Variants in MPP7 observed in about 807,000 individuals in gnomAD.
The protein encoded by MPP7 is MAGUK p55 scaffold protein 7.
In MPP7, 60 loss-of-function variants were observed where a neutral mutation model predicts 76.5. That is an observed-to-expected ratio of 0.78 (90% CI 0.64 to 0.97). MPP7 has a LOEUF of 0.97. Ranked by LOEUF, MPP7 falls within the 50% of genes least tolerant of loss-of-function variation. MPP7 has a pLI of 0.00. For synonymous variants in MPP7, 237 were observed against 244.5 expected (o/e 0.97, Z 0.29); for missense variants, 641 against 694.0 (o/e 0.92, Z 0.86).
intron 2 of MPP7, among the ~76,000 whole-genome samples, chr10:28,214,115 A>G (rs1050467759): frequency 2.0e-5 from 3 of 152,162 alleles, no homozygotes; most frequent in Non-Finnish European, 2.9e-5. Context: ...TTGAGCTTTT[A>G]CAAGATAAAC....
intron 11 of MPP7, among the ~76,000 whole-genome samples, chr10:28,093,863 T>C (rs1853437459): frequency 6.6e-6 from 1 of 152,198 alleles, no homozygotes; most frequent in African/African-American, 2.4e-5. Context: ...GCATAGATAG[T>C]TGGGTGATGT....
chr10:28,225,779 A>G (rs778348049), intron 2 of MPP7, among the ~76,000 whole-genome samples: 4 of 152,204 alleles, frequency 2.6e-5, no homozygotes, highest in Non-Finnish European at 5.9e-5. Flanking sequence ...CTAAACACAG[A>G]ATTATCATAT....
At chr10:28,311,378 T>A (rs975140905) in intron 2 of MPP7, among the ~76,000 whole-genome samples, 1 of 152,198 alleles carries the variant, frequency 6.6e-6, no homozygotes, top group African/African-American at 2.4e-5. Flanking sequence ...CATGAATACC[T>A]CTATACCAAT....
At position 28,119,839 on chromosome 10, in the gene MPP7, T is replaced by C. The variant is rs1477272489; in HGVS notation, c.888-124A>G. ...AGAGAAAAAAATGAATGTAATGCAATAGATTCAAATTAAGAAACAAATCGC... is the reference window on the plus strand; with the variant it reads ...AGAGAAAAAAATGAATGTAATGCAACAGATTCAAATTAAGAAACAAATCGC... On this transcript the variant is annotated intron_variant, in intron 10 of 16. Coordinates refer to ENST00000683449, the MANE Select transcript of MPP7 (RefSeq NM_001318170.2). 5.8e-6 allele frequency: 4 copies of C among 693,538 alleles called. No individual in the cohort carries two copies. The Admixed American group carries it at 1.3e-4, about 22-fold the overall frequency. 43.0% of individuals were successfully genotyped at this position (693,538 alleles called of 1,614,324 possible). A position where few individuals can be genotyped will look rare whatever the true frequency, so the allele number is the denominator to read the frequency against.
chr10:28,290,387 A>AC (rs1840888716), intron 1 of MPP7, among the ~76,000 whole-genome samples: 1 of 149,256 alleles, frequency 6.7e-6, no homozygotes, highest in Admixed American at 6.8e-5. Flanking sequence ...CTTCTTACCT[A>AC]CCTTCAATTT....
At chr10:28,222,704 T>C (rs1838553126) in intron 2 of MPP7, among the ~76,000 whole-genome samples, 1 of 150,086 alleles carries the variant, frequency 6.7e-6, no homozygotes, top group African/African-American at 2.5e-5. Context: ...TACAAAAAAT[T>C]AGCCAGGCGT....
At chr10:28,197,486 C>CCTGAGCAA (rs1336134396) in intron 3 of MPP7, among the ~76,000 whole-genome samples, 5 of 151,898 alleles carry the variant, frequency 3.3e-5, no homozygotes, top group Non-Finnish European at 5.9e-5. Context: ...CCCAGCCTAA[C>CCTGAGCAA]CTGAGCAACT....
intron 3 of MPP7, among the ~76,000 whole-genome samples, chr10:28,165,294 G>A (rs1588873592): frequency 6.6e-6 from 1 of 152,136 alleles, no homozygotes; most frequent in East Asian, 1.9e-4. Context: ...GGAAGTCAAG[G>A]CAAGAGGATC....
rs138238178 is a variant in MPP7, at chr10:28,324,145, G to A, written c.-132+5784C>T. 2.1e-3 allele frequency among the ~76,000 whole-genome samples: 327 copies of A among 152,176 alleles called. 1 individual carries two copies. Among genetic ancestry groups the A allele is most frequent in the African/African-American group, 7.5e-3 (312 of 41,518 alleles). On this transcript the variant is annotated intron_variant, in intron 2 of 11. Transcript: ENST00000441595. Reference sequence around the variant, plus strand: ...TGATATTAGGAGGCAGGGTCTTTGGGGCTGTGACTAGGTCATGAAGGTTCT... The same window carrying A: ...TGATATTAGGAGGCAGGGTCTTTGGAGCTGTGACTAGGTCATGAAGGTTCT...
chr10:28,127,127 T>C (rs1835042264), intron 6 of MPP7, among the ~76,000 whole-genome samples: 1 of 152,174 alleles, frequency 6.6e-6, no homozygotes, highest in Non-Finnish European at 1.5e-5. Context: ...GTGGAACCAA[T>C]CTCTCTCTGT....
chr10:28,266,954 T>C (rs1178360910), intron 1 of MPP7, among the ~76,000 whole-genome samples: 1 of 152,246 alleles, frequency 6.6e-6, no homozygotes, highest in Admixed American at 6.5e-5. Context: ...GCTATCTGCT[T>C]AGGTTGCCTC....
chr10:28,167,026 T>C (rs1836487947), intron 3 of MPP7, among the ~76,000 whole-genome samples: 1 of 152,086 alleles, frequency 6.6e-6, no homozygotes, highest in Non-Finnish European at 1.5e-5. Context: ...ACTCTGCTAG[T>C]GGGGCCGGGC....
intron 3 of MPP7, among the ~76,000 whole-genome samples, chr10:28,156,306 C>T (rs1445797562): frequency 6.6e-6 from 1 of 152,152 alleles, no homozygotes; most frequent in Admixed American, 6.5e-5. Context: ...AAATAGAAAA[C>T]ACCTAATAAA....
chr10:28,180,145 G>A (rs7087980), intron 3 of MPP7, among the ~76,000 whole-genome samples: 73,733 of 152,008 alleles, frequency 0.49, 20,612 homozygotes, highest in Middle Eastern at 0.72. Flanking sequence ...GATAGCCCTC[G>A]CTTGCTAAGC....
intron 1 of MPP7, among the ~76,000 whole-genome samples, chr10:28,294,489 G>T (rs559507350): frequency 3.9e-5 from 6 of 152,292 alleles, no homozygotes; most frequent in African/African-American, 1.4e-4. Flanking sequence ...GGTGATTAAA[G>T]AATGCAAACT....
At chr10:28,228,614 A>G (rs1049844837) in intron 2 of MPP7, among the ~76,000 whole-genome samples, 8 of 152,078 alleles carry the variant, frequency 5.3e-5, no homozygotes, top group Non-Finnish European at 1.2e-4. Context: ...AAAAATACAA[A>G]AATTAGCCGG....
chr10:28,218,615 G>C (rs11006924), intron 2 of MPP7, among the ~76,000 whole-genome samples: 26,335 of 151,926 alleles, frequency 0.17, 2,593 homozygotes, highest in African/African-American at 0.26. Flanking sequence ...AACCATCCAG[G>C]CCATATTCTA....
intron 5 of MPP7, among the ~76,000 whole-genome samples, chr10:28,134,946 A>G (rs1269770414): frequency 6.6e-6 from 1 of 152,206 alleles, no homozygotes; most frequent in Non-Finnish European, 1.5e-5. Context: ...GTATCTTTCA[A>G]GAATAAAGAT....
At chr10:28,164,030 T>C (rs1215960527) in intron 3 of MPP7, among the ~76,000 whole-genome samples, 1 of 152,056 alleles carries the variant, frequency 6.6e-6, no homozygotes, top group Non-Finnish European at 1.5e-5. Flanking sequence ...GGAGATACAC[T>C]GAGCATAAAG....
Sources: gnomAD v4.1 joint callset for allele counts (sites outside exome capture counted in the v4.1 genomes callset) on GRCh38, gnomAD v4.1.1 for gene constraint, MANE v1.5 for transcripts, NCBI Gene and HGNC (gene_info 2026-07-23, HGNC 2026-07-21) for gene names.